The following KLC3 variants were observed in gnomAD, a reference collection of about 807,000 sequenced individuals.
KLC3 encodes the protein kinesin light chain 2.
Under a neutral mutation model 62.9 loss-of-function variants are expected in KLC3, and 72 were observed. The ratio of observed to expected loss-of-function variants is 1.15; its 90% CI spans 0.95 to 1.39. KLC3 has a LOEUF of 1.39. Among genes scored for constraint, KLC3 ranks in the 40% most tolerant of loss-of-function variants. The pLI is 0.00. For synonymous variants in KLC3, 377 were observed against 300.5 expected, an observed-to-expected ratio of 1.25 and a Z score of -2.63; for missense variants, 848 against 691.6, an observed-to-expected ratio of 1.23 and a Z score of -2.54.
In KLC3 at chr19:45,351,442, C is replaced by G; in HGVS notation, c.*85C>G. 1 of 1,585,006 alleles carries G rather than the reference C, an allele frequency of 6.3e-7. No individual in the cohort carries two copies. Among genetic ancestry groups the G allele is most frequent in the Non-Finnish European group, 8.6e-7 (1 of 1,168,898 alleles). ...TGGGGTGAGAGGGGGTCTATCATCT[C>G]CTGGCCCCCCCTTGCCTCTGGGTAC... On this transcript the variant is annotated 3_prime_UTR_variant, in exon 13 of 13. Coordinates refer to ENST00000391946, the MANE Select transcript of KLC3 (RefSeq NM_177417.3).
At chr19:45,349,955 T>G in intron 8 of KLC3, 1 of 412,096 alleles carries the variant, frequency 2.4e-6, no homozygotes, top group Non-Finnish European at 4.4e-6. Context: ...ACTTTGCGTG[T>G]GGGAAGACTG....
chr19:45,342,022 G>C (rs947725540), intron 1 of KLC3, among the ~76,000 whole-genome samples: 6 of 152,092 alleles, frequency 3.9e-5, no homozygotes, highest in Non-Finnish European at 7.4e-5. Flanking sequence ...GGCTCTGTGT[G>C]AGTGTGGGAG....
Position 45,345,735 on chromosome 19 carries a change from A to G in KLC3, c.194A>G (p.Glu65Gly). Residue 65 changes from glutamate (E) to glycine (G), a missense_variant, in exon 2 of 13, where the codon GAG (glutamate) becomes GGG (glycine). Transcript: ENST00000391946. The stretch of plus-strand genomic sequence containing the variant: ...CCGGCAGCCGGCTTGGAGATGCTGG[A>G]GGAAAAGCAGCAGGTGGTGAGCCAC... ...QGPAAGLEMLEEKQQVVSHSL... is the reference protein window; with the variant it reads ...QGPAAGLEMLGEKQQVVSHSL... 6.4e-7 allele frequency: 1 copy of G among 1,558,994 alleles called. No homozygotes were observed. The highest frequency in any genetic ancestry group is 8.7e-7 in the Non-Finnish European group (1 of 1,152,420).
chr19:45,346,383 C>T (rs1270906496), intron 2 of KLC3, among the ~76,000 whole-genome samples, 161 bp from the exon 3 acceptor site: 1 of 152,168 alleles, frequency 6.6e-6, no homozygotes, highest in African/African-American at 2.4e-5. Context: ...CCCCTGGGAG[C>T]CTCTGAGGGC....
In KLC3 at chr19:45,351,484, T is replaced by G; in HGVS notation, c.*127T>G. The G allele has an allele frequency of 6.3e-7, 1 of 1,588,962 alleles. No individual in the cohort carries two copies. Among genetic ancestry groups the G allele is most frequent in the Non-Finnish European group, 8.5e-7 (1 of 1,171,946 alleles). On this transcript the variant is annotated 3_prime_UTR_variant, in exon 13 of 13. Transcript: ENST00000391946. ...TCTGGGTACCTGGTGGATAGCTGCC[T>G]TCTCCTGCGATTAAAGGCTGTGGAC...
In KLC3 at chr19:45,350,425, C is replaced by T; in HGVS notation, c.1228C>T (p.Pro410Ser). The change falls in exon 9 of 13, where the codon CCT (proline) becomes TCT (serine). Residue 410 changes from proline (P) to serine (S), a missense_variant. Transcript: ENST00000391946. ...CCTCCACAAGGAGGACCTACCCGCC[C>T]CTCTCGGTGAGCCCCTAGCCCCTGT... is the stretch of plus-strand genomic sequence containing the variant. The part of the protein sequence containing the change: ...EILHKEDLPA[P>S]LGAPNTGTAG... 2 of 1,613,714 alleles carry T rather than the reference C, an allele frequency of 1.2e-6. No homozygotes were observed. The highest frequency in any genetic ancestry group is 2.2e-5 in the South Asian group (2 of 91,038).
Position 45,349,581 on chromosome 19 carries a change from G to C in KLC3, c.1122G>C (p.Val374=), listed in dbSNP as rs142340003. The change falls in exon 8 of 13, where the codon GTG becomes GTC. Residue 374 remains valine (V), a synonymous_variant. Transcript: ENST00000391946. The part of the protein sequence containing the change: ...EALGGPHDPN[V]AKTKNNLASA... Reference sequence around the variant, plus strand: ...TGGGCGGGCCCCATGACCCCAACGTGGCCAAGACCAAGAACAACCTGGTGA... The same window carrying C: ...TGGGCGGGCCCCATGACCCCAACGTCGCCAAGACCAAGAACAACCTGGTGA... The C allele has an allele frequency of 1.9e-6, 3 of 1,612,096 alleles. No homozygotes were observed.
chr19:45,345,709 C>A lies in KLC3; in HGVS notation c.168C>A (p.Gly56=). The change falls in exon 2 of 13, where the codon GGC becomes GGA. Residue 56 remains glycine (G), a synonymous_variant. Transcript: ENST00000391946. ...GHLAEALAGQ[G]PAAGLEMLEE... is the part of the protein sequence containing the mutation. Reference sequence around the variant, plus strand: ...TGGCGGAGGCCCTGGCGGGACAGGGCCCGGCAGCCGGCTTGGAGATGCTGG... The same window carrying A: ...TGGCGGAGGCCCTGGCGGGACAGGGACCGGCAGCCGGCTTGGAGATGCTGG... 1 of 1,565,956 alleles carries A rather than the reference C, an allele frequency of 6.4e-7. No homozygotes were observed.
chr19:45,344,154 A>AGTGTGTGTGTGTGT lies in KLC3; in HGVS notation c.-8-1369_-8-1356dup, dbSNP rs34947979. Among the ~76,000 whole-genome samples, 72 of 142,122 alleles carry AGTGTGTGTGTGTGT rather than the reference A, an allele frequency of 5.1e-4. 1 individual carries two copies. The highest frequency in any genetic ancestry group is 1.8e-3 in the African/African-American group (67 of 38,026). The allele number at this position is 142,122 out of a possible 152,430, so 93.2% of individuals were successfully genotyped here. A position where few individuals can be genotyped will look rare whatever the true frequency, so the allele number is the denominator to read the frequency against. On this transcript the variant is annotated intron_variant, in intron 1 of 12. Coordinates refer to ENST00000391946, the MANE Select transcript of KLC3 (RefSeq NM_177417.3). The stretch of plus-strand genomic sequence containing the variant: ...GCCTACATTGTGTTTCTAATGAGGG[A>AGTGTGTGTGTGTGT]GTGTGTGTGTGTGTGTGTGTGTGTA...
chr19:45,351,509 C>A lies in KLC3; in HGVS notation c.*152C>A. 1 of 1,598,338 alleles carries A rather than the reference C, an allele frequency of 6.3e-7. No homozygotes were observed. The highest frequency in any genetic ancestry group is 8.5e-7 in the Non-Finnish European group (1 of 1,177,302). On this transcript the variant is annotated 3_prime_UTR_variant, in exon 13 of 13. Transcript: ENST00000391946. ...TTCTCCTGCGATTAAAGGCTGTGGA[C>A]GTGACAGTGAGAAATGTCACCTGAC...
intron 1 of KLC3, among the ~76,000 whole-genome samples, chr19:45,344,357 G>A (rs1056890006): frequency 2.0e-5 from 3 of 150,538 alleles, no homozygotes; most frequent in African/African-American, 7.4e-5. Flanking sequence ...GGGACTACAG[G>A]CATGCGCCAC....
rs772663393 is a variant in KLC3, at chr19:45,348,035, G to A, written c.654G>A (p.Ala218=). 1.1e-5 allele frequency: 17 copies of A among 1,606,246 alleles called. No individual in the cohort carries two copies. Among genetic ancestry groups the A allele is most frequent in the Admixed American group, 3.4e-5 (2 of 58,846 alleles). ...TGCATAACCTCGTGATCCAGTACGC[G>A]GGGCAGGGCCGCTATGAGGTGGCGG... ...RTLHNLVIQY[A]GQGRYEVAVP... Residue 218 remains alanine, a synonymous_variant, in exon 5 of 13, where the codon GCG becomes GCA. Transcript: ENST00000391946.
At position 45,348,245 on chromosome 19, in the gene KLC3, G is replaced by A. The variant is rs1971557059; in HGVS notation, c.779+85G>A. On this transcript the variant is annotated intron_variant, in intron 5 of 12. Coordinates refer to ENST00000391946, the MANE Select transcript of KLC3 (RefSeq NM_177417.3). ...GTGGAAGGATCCTGGTGCCCCCTCT[G>A]TCACCATGGAGCACCTAGGGAGGTC... The A allele has an allele frequency of 3.2e-5, 41 of 1,269,166 alleles. No individual in the cohort carries two copies. The South Asian group carries it at 5.5e-4, about 17-fold the overall frequency. 78.6% of individuals were successfully genotyped at this position (1,269,166 alleles called of 1,614,324 possible). A position where few individuals can be genotyped will look rare whatever the true frequency, so the allele number is the denominator to read the frequency against.
chr19:45,346,837 A>G (rs753347586), intron 3 of KLC3, 63 bp downstream of exon 3: 1 of 1,434,338 alleles, frequency 7.0e-7, no homozygotes, highest in South Asian at 1.2e-5. Context: ...AGTCCCCCAG[A>G]CCCTCCTTAG....
chr19:45,350,008 G>A (rs1186988921), intron 8 of KLC3: 3 of 444,552 alleles, frequency 6.7e-6, no homozygotes, highest in Non-Finnish European at 1.2e-5. Context: ...CAGCAGACAG[G>A]CTCAGAAACA....
In KLC3 at chr19:45,346,550, C is replaced by A; in HGVS notation, c.265C>A (p.Leu89Met). ...ELGLGEAQVL[L>M]ALSAHVGALE... Reference sequence around the variant, plus strand: ...GGACCCCCACCCCGGGCAGGTGCTGCTGGCCCTGTCGGCACATGTGGGTGC... The same window carrying A: ...GGACCCCCACCCCGGGCAGGTGCTGATGGCCCTGTCGGCACATGTGGGTGC... The change falls in exon 3 of 13, where the codon CTG becomes ATG. Residue 89 changes from leucine to methionine, a missense_variant. Coordinates refer to ENST00000391946, the MANE Select transcript of KLC3 (RefSeq NM_177417.3). The A allele has an allele frequency of 6.5e-7, 1 of 1,532,924 alleles. No homozygotes were observed. The highest frequency in any genetic ancestry group is 8.8e-7 in the Non-Finnish European group (1 of 1,136,546). 95.0% of individuals were successfully genotyped at this position (1,532,924 alleles called of 1,614,324 possible). A position where few individuals can be genotyped will look rare whatever the true frequency, so the allele number is the denominator to read the frequency against.
chr19:45,341,585 G>A (rs1481490467), intron 1 of KLC3, among the ~76,000 whole-genome samples: 5 of 150,230 alleles, frequency 3.3e-5, no homozygotes, highest in Admixed American at 1.3e-4. Flanking sequence ...GTGTGCGCGC[G>A]CGCGTGTGGT....
At chr19:45,350,259 C>CA (rs61513187) in intron 8 of KLC3, 82 bp from the exon 9 acceptor site, 33,954 of 862,444 alleles carry the variant, frequency 0.039, 73 homozygotes, top group African/African-American at 0.061. Flanking sequence ...CCTGTCTCTA[C>CA]AAAAAAAAAA....
At chr19:45,347,919 G>A in intron 4 of KLC3, 22 bp from the exon 5 acceptor site, 1 of 1,573,520 alleles carries the variant, frequency 6.4e-7, no homozygotes, top group Non-Finnish European at 8.6e-7. Flanking sequence ...CAGTGACCCA[G>A]AGCCCACCCC....
Sources: allele counts gnomAD v4.1 joint callset (sites outside exome capture counted in the v4.1 genomes callset), GRCh38; gene constraint gnomAD v4.1.1; transcripts MANE v1.5; gene names NCBI Gene and HGNC (gene_info 2026-07-23, HGNC 2026-07-21).